Variants in IMPG1 observed in about 807,000 individuals in gnomAD.
The protein encoded by IMPG1 is interphotoreceptor matrix proteoglycan 1, also known as interphotoreceptor matrix proteoglycan of 150 kDa.
A neutral mutation model predicts 92.0 loss-of-function variants in IMPG1; 85 were observed. The observed-to-expected ratio is 0.92, with a 90% CI of 0.78 to 1.11. IMPG1 has a LOEUF of 1.11. Ranked by LOEUF, IMPG1 falls within the 50% of genes least tolerant of loss-of-function variation. The pLI is 0.00. For missense variants in IMPG1, 1,022 were observed against 956.0 expected, an observed-to-expected ratio of 1.07 and a Z score of -0.91; for synonymous variants, 367 against 334.1, an observed-to-expected ratio of 1.10 and a Z score of -1.08.
chr6:76,013,721 T>C (rs943661231), intron 7 of IMPG1, among the ~76,000 whole-genome samples: 8 of 152,174 alleles, frequency 5.3e-5, no homozygotes, highest in African/African-American at 1.7e-4. Context: ...GCACATTTTG[T>C]TTAATTCAGT....
At chr6:76,062,342 T>G (rs1175792442) in intron 1 of IMPG1, among the ~76,000 whole-genome samples, 1 of 152,180 alleles carries the variant, frequency 6.6e-6, no homozygotes, top group Non-Finnish European at 1.5e-5. Context: ...TCTTGACACA[T>G]TTACTGAAAG....
At chr6:76,067,232 C>T (rs1784324656) in intron 1 of IMPG1, among the ~76,000 whole-genome samples, 1 of 151,140 alleles carries the variant, frequency 6.6e-6, no homozygotes, top group Admixed American at 6.6e-5. Flanking sequence ...AAATAAAAAG[C>T]ATCAATGAAA....
intron 15 of IMPG1, among the ~76,000 whole-genome samples, chr6:75,924,640 T>TAGC: frequency 6.4e-5 from 1 of 15,528 alleles, no homozygotes; most frequent in Non-Finnish European, 1.1e-4. Flanking sequence ...ATATATTATA[T>TAGC]ATAATTAATT....
chr6:76,028,460 C>A (rs1783591493), intron 4 of IMPG1, among the ~76,000 whole-genome samples: 1 of 152,186 alleles, frequency 6.6e-6, no homozygotes, highest in Admixed American at 6.5e-5. Flanking sequence ...CAACTTTTGA[C>A]TTTTTCTTGG....
At chr6:75,940,488 C>T (rs1781821170) in intron 14 of IMPG1, among the ~76,000 whole-genome samples, 1 of 152,152 alleles carries the variant, frequency 6.6e-6, no homozygotes, top group Non-Finnish European at 1.5e-5. Flanking sequence ...TCCAAACTTG[C>T]AGTATTGTAT....
chr6:75,974,344 TTTC>T (rs1782476883), intron 12 of IMPG1, among the ~76,000 whole-genome samples: 1 of 103,782 alleles, frequency 9.6e-6, no homozygotes, highest in Admixed American at 1.1e-4. Flanking sequence ...TCTTTCTTTC[TTTC>T]TTTCTTTCTT....
intron 12 of IMPG1, among the ~76,000 whole-genome samples, chr6:75,967,559 T>A (rs1277916564): frequency 1.3e-5 from 2 of 152,170 alleles, no homozygotes; most frequent in East Asian, 3.9e-4. Context: ...TTGTGTATAA[T>A]CACCCAGTAT....
chr6:76,037,173 ACT>A (rs1293266817), intron 2 of IMPG1, among the ~76,000 whole-genome samples: 1 of 152,006 alleles, frequency 6.6e-6, no homozygotes, highest in Non-Finnish European at 1.5e-5. Flanking sequence ...CAATCTGGAG[ACT>A]CTTATGCCTA....
At chr6:76,022,012 C>T (rs1380400690) in intron 6 of IMPG1, 104 bp downstream of exon 6, 8 of 600,332 alleles carry the variant, frequency 1.3e-5, no homozygotes, top group South Asian at 1.5e-5. Context: ...AAAAATACAG[C>T]ACTAATATTA....
intron 12 of IMPG1, among the ~76,000 whole-genome samples, chr6:75,964,990 G>A (rs1305729294): frequency 6.6e-6 from 1 of 152,096 alleles, no homozygotes; most frequent in Non-Finnish European, 1.5e-5. Context: ...TTCTTACTCA[G>A]TATAACTCTG....
At chr6:75,927,868 C>A (rs1781585331) in intron 15 of IMPG1, among the ~76,000 whole-genome samples, 1 of 150,274 alleles carries the variant, frequency 6.7e-6, no homozygotes, top group South Asian at 2.1e-4. Context: ...TATTTGAATC[C>A]CTCAAGTCCA....
chr6:76,040,410 C>T (rs1044282989), intron 2 of IMPG1, among the ~76,000 whole-genome samples: 1 of 152,172 alleles, frequency 6.6e-6, no homozygotes, highest in African/African-American at 2.4e-5. Flanking sequence ...TATGTACGTC[C>T]ATCCCTGAGC....
chr6:75,943,375 G>C (rs536090169), intron 14 of IMPG1, among the ~76,000 whole-genome samples: 2 of 152,268 alleles, frequency 1.3e-5, no homozygotes, highest in South Asian at 4.2e-4. Context: ...CTGGGAGGGA[G>C]GGGTGAGTTC....
At chr6:76,006,018 C>T (rs1018266924) in intron 9 of IMPG1, among the ~76,000 whole-genome samples, 2 of 151,994 alleles carry the variant, frequency 1.3e-5, no homozygotes, top group Admixed American at 1.3e-4. Flanking sequence ...TTTGTAGAGA[C>T]AGAGTCTTGC....
chr6:75,998,792 G>T (rs997884701), intron 12 of IMPG1, among the ~76,000 whole-genome samples: 2 of 152,168 alleles, frequency 1.3e-5, no homozygotes, highest in African/African-American at 4.8e-5. Flanking sequence ...GAACAAGTTG[G>T]ATACATGTTG....
intron 7 of IMPG1, among the ~76,000 whole-genome samples, chr6:76,015,526 T>C (rs1783268959): frequency 6.6e-6 from 1 of 151,324 alleles, no homozygotes. Flanking sequence ...TTTGGCTGGG[T>C]GCGGTAGCTC....
At chr6:75,952,338 C>G (rs907036766) in intron 12 of IMPG1, among the ~76,000 whole-genome samples, 3 of 152,304 alleles carry the variant, frequency 2.0e-5, no homozygotes, top group South Asian at 4.1e-4. Flanking sequence ...GATATAATCT[C>G]TGGACTCTCA....
chr6:75,950,921 T>C lies in IMPG1; in HGVS notation c.1465A>G (p.Ile489Val), dbSNP rs1337332182. ...GAAATTCCCAGAGCCAGTTGGCTGATTGCAGAATAATCACTGGTGGGGATG... is the reference window on the plus strand; with the variant it reads ...GAAATTCCCAGAGCCAGTTGGCTGACTGCAGAATAATCACTGGTGGGGATG... ...LTIPTSDYSA[I>V]SQLALGISHP... Residue 489 changes from isoleucine (I) to valine (V), a missense_variant, in exon 13 of 17, where the codon ATC (isoleucine) becomes GTC (valine). Transcript: ENST00000369950. 7.4e-6 allele frequency: 12 copies of C among 1,614,016 alleles called. No individual in the cohort carries two copies. The highest frequency in any genetic ancestry group is 4.5e-5 in the East Asian group (2 of 44,870).
chr6:76,023,634 A>G (rs539669080), intron 5 of IMPG1, among the ~76,000 whole-genome samples: 1 of 152,326 alleles, frequency 6.6e-6, no homozygotes, highest in Non-Finnish European at 1.5e-5. Context: ...GGAGGTGTCC[A>G]GAAGTACTGG....
Sources: allele counts gnomAD v4.1 joint callset (sites outside exome capture counted in the v4.1 genomes callset), GRCh38; gene constraint gnomAD v4.1.1; transcripts MANE v1.5; gene names NCBI Gene and HGNC (gene_info 2026-07-23, HGNC 2026-07-21).